The following DNM1L variants were observed in gnomAD, a reference collection of about 807,000 sequenced individuals.
DNM1L encodes the protein dynamin 1L, also known as dynamin-1-like protein.
DNM1L carries 33 observed loss-of-function variants against 92.8 expected under a neutral mutation model. The observed-to-expected ratio is 0.36, with a 90% CI of 0.27 to 0.48. The LOEUF (loss-of-function observed/expected upper bound fraction) is 0.48, where lower values mean the gene tolerates loss of function less well. Ranked by LOEUF, DNM1L falls within the 20% of genes least tolerant of loss-of-function variation. The pLI, the probability that DNM1L is intolerant of heterozygous loss-of-function variation, is 0.99. For missense variants in DNM1L, 485 were observed against 888.8 expected, an observed-to-expected ratio of 0.55 and a Z score of 5.78; for synonymous variants, 284 against 305.0, an observed-to-expected ratio of 0.93 and a Z score of 0.72.
At chr12:32,713,406 TTTACAA>T (rs1202151274) in intron 6 of DNM1L, 35 bp downstream of exon 6, 1 of 1,608,510 alleles carries the variant, frequency 6.2e-7, no homozygotes, top group Non-Finnish European at 8.5e-7. Context: ...AGATGCTTAT[TTTACAA>T]TGGTAAATCT....
In DNM1L at chr12:32,710,973, C is replaced by T. The variant is rs775793797; in HGVS notation, c.414C>T (p.Asn138=). Residue 138 remains asparagine, a synonymous_variant, in exon 5 of 20, where the codon AAC becomes AAT. Transcript: ENST00000549701. ...TTCATCTTAAGATTTTTTCACCCAA[C>T]GTTGTCAATTTGACACTTGTGGATT... The part of the protein sequence containing the change: ...EPIHLKIFSP[N]VVNLTLVDLP... 3.1e-6 allele frequency: 5 copies of T among 1,613,918 alleles called. No individual in the cohort carries two copies. The highest frequency in any genetic ancestry group is 4.2e-6 in the Non-Finnish European group (5 of 1,179,910).
chr12:32,707,304 G>T, intron 2 of DNM1L, 63 bp from the exon 3 acceptor site: 1 of 1,358,016 alleles, frequency 7.4e-7, no homozygotes, highest in South Asian at 1.3e-5. Context: ...TTGCCTTTTT[G>T]AATTCCTAAA....
Position 32,715,493 on chromosome 12 carries a change from G to C in DNM1L, c.619+2122G>C, listed in dbSNP as rs897928335. 3.9e-5 allele frequency among the ~76,000 whole-genome samples: 6 copies of C among 152,090 alleles called. 1 individual carries two copies. The highest frequency in any genetic ancestry group is 1.4e-4 in the African/African-American group (6 of 41,414). ...CACACTTGTAATCCCAGCACTTTGG[G>C]AGGCTGAGGTGAGCGGATCGCTTGA... On this transcript the variant is annotated intron_variant, in intron 6 of 19. Transcript: ENST00000549701.
In DNM1L at chr12:32,740,445, C is replaced by G. The variant is rs1223281402; in HGVS notation, c.1921C>G (p.Gln641Glu). 1 of 1,614,082 alleles carries G rather than the reference C, an allele frequency of 6.2e-7. No individual in the cohort carries two copies. The highest frequency in any genetic ancestry group is 1.1e-5 in the South Asian group (1 of 91,070). ...PVARKLSARE[Q>E]RDCEVIERLI... Reference sequence around the variant, plus strand: ...TGCACGAAAACTATCTGCTCGGGAACAGCGAGATTGTGAGGTTATTGAACG... The same window carrying G: ...TGCACGAAAACTATCTGCTCGGGAAGAGCGAGATTGTGAGGTTATTGAACG... The change falls in exon 18 of 20, where the codon CAG becomes GAG. Residue 641 changes from glutamine to glutamate, a missense_variant. Physicochemically the swap from Gln to Glu is conservative, Grantham distance 29. Transcript: ENST00000549701.
Position 32,701,443 on chromosome 12 carries a change from G to T in DNM1L, c.131G>T (p.Ser44Ile), listed in dbSNP as rs1338124555. ...QSSGKSSVLE[S>I]LVGRDLLPRG... is the part of the protein sequence containing the mutation. ...AGCGGAAAGAGCTCAGTGCTAGAAA[G>T]CCTGGTGGGGAGGGACCTGCTTCCC... Residue 44 changes from serine to isoleucine, a missense_variant, in exon 2 of 20, where the codon AGC (serine) becomes ATC (isoleucine). Physicochemically the swap from Ser to Ile is moderately radical, Grantham distance 142. Coordinates refer to ENST00000549701, the MANE Select transcript of DNM1L (RefSeq NM_012062.5). 1 of 1,614,060 alleles carries T rather than the reference G, an allele frequency of 6.2e-7. No homozygotes were observed. Among genetic ancestry groups the T allele is most frequent in the Non-Finnish European group, 8.5e-7 (1 of 1,179,944 alleles).
chr12:32,705,000 GTTTTTTTTTTTT>G (rs35375744), intron 2 of DNM1L, among the ~76,000 whole-genome samples: 1 of 118,878 alleles, frequency 8.4e-6, no homozygotes, highest in African/African-American at 3.2e-5. Context: ...CTCAGGCAAA[GTTTTTTTTTTTT>G]TTTTTTTTTT....
At chr12:32,716,766 T>G (rs974849948) in intron 6 of DNM1L, among the ~76,000 whole-genome samples, 4 of 129,666 alleles carry the variant, frequency 3.1e-5, no homozygotes, top group Non-Finnish European at 5.1e-5. Context: ...ATATATATAG[T>G]AACTGAAAAT....
intron 4 of DNM1L, among the ~76,000 whole-genome samples, chr12:32,710,676 A>C (rs1953092242): frequency 6.6e-6 from 1 of 152,118 alleles, no homozygotes. Context: ...AAGAGAAAAG[A>C]ATGTAAAATA....
chr12:32,738,252 A>C lies in DNM1L; in HGVS notation c.1675-12A>C, dbSNP rs952848365. 6.2e-7 allele frequency: 1 copy of C among 1,613,476 alleles called. No homozygotes were observed. Among genetic ancestry groups the C allele is most frequent in the African/African-American group, 1.3e-5 (1 of 75,022 alleles). ...CTTGTTAAATTGCATGTTTTAACATATCTTTTAACAGTTAATTCAGGACAG... is the reference window on the plus strand; with the variant it reads ...CTTGTTAAATTGCATGTTTTAACATCTCTTTTAACAGTTAATTCAGGACAG... On this transcript the variant is annotated splice_polypyrimidine_tract_variant and intron_variant, in intron 15 of 19. Transcript: ENST00000549701.
chr12:32,739,781 C>T (rs537988769), intron 16 of DNM1L: 107 of 377,006 alleles, frequency 2.8e-4, no homozygotes, highest in African/African-American at 1.8e-3. Flanking sequence ...AGAAGAGGAA[C>T]GATTTTGAAA....
rs1450552397 is a variant in DNM1L at position 32,731,542 on chromosome 12, T to G, written c.1356+31T>G. 2.5e-6 allele frequency: 4 copies of G among 1,612,900 alleles called. No individual in the cohort carries two copies. The highest frequency in any genetic ancestry group is 1.1e-5 in the South Asian group (1 of 91,058). ...GGAGAGAAATGTAACAGGTTTCACA[T>G]GAACTAGAAAAGGACATGAAGTGGT... On this transcript the variant is annotated intron_variant, in intron 11 of 19. Coordinates refer to ENST00000549701, the MANE Select transcript of DNM1L (RefSeq NM_012062.5). The surrounding 1 kb of genome is among the most constrained non-coding windows in gnomAD (Gnocchi z 5.1).
chr12:32,688,059 A>T (rs1360757589), intron 1 of DNM1L, among the ~76,000 whole-genome samples: 1 of 151,920 alleles, frequency 6.6e-6, no homozygotes, highest in Non-Finnish European at 1.5e-5. Flanking sequence ...CAAGTAGCTG[A>T]GATTACAGGT....
At chr12:32,717,340 ACT>A (rs1953465058) in intron 6 of DNM1L, among the ~76,000 whole-genome samples, 3 of 81,676 alleles carry the variant, frequency 3.7e-5, no homozygotes, top group South Asian at 5.7e-4. Flanking sequence ...TTTTATATAT[ACT>A]ATATATTATA....
chr12:32,732,619 T>A, intron 12 of DNM1L: 1 of 454,512 alleles, frequency 2.2e-6, no homozygotes, highest in Non-Finnish European at 4.4e-6. Context: ...ATGTAAGTGC[T>A]GCTGCTTGGT....
rs567935242 is a variant in DNM1L at position 32,726,887 on chromosome 12, A to C, written c.1080-4127A>C. Reference sequence around the variant, plus strand: ...ATGTCTTTGTCAGCACTTCATTTGTAAAATATTTACTGGGTTCAAATTGAA... The same window carrying C: ...ATGTCTTTGTCAGCACTTCATTTGTCAAATATTTACTGGGTTCAAATTGAA... On this transcript the variant is annotated intron_variant, in intron 9 of 19. Coordinates refer to ENST00000549701, the MANE Select transcript of DNM1L (RefSeq NM_012062.5). The C allele has an allele frequency of 1.8e-4, 119 of 659,060 alleles. 1 individual carries two copies. In the African/African-American group the frequency reaches 2.1e-3, roughly 12 times the overall value. 40.8% of individuals were successfully genotyped at this position (659,060 alleles called of 1,614,324 possible).
intron 6 of DNM1L, among the ~76,000 whole-genome samples, 197 bp downstream of exon 6, chr12:32,713,568 G>A (rs894979950): frequency 6.6e-6 from 1 of 152,114 alleles, no homozygotes; most frequent in South Asian, 2.1e-4. Context: ...CAGACTAGGC[G>A]AAAATATTTT....
chr12:32,689,486 G>T (rs1952148579), intron 1 of DNM1L, among the ~76,000 whole-genome samples: 1 of 152,160 alleles, frequency 6.6e-6, no homozygotes, highest in Non-Finnish European at 1.5e-5. Flanking sequence ...ACTGGGCCCG[G>T]CGTAGTTTAG....
rs1268650035 is a variant in DNM1L at position 32,731,635 on chromosome 12, A to G, written c.1356+124A>G. 2.4e-6 allele frequency: 3 copies of G among 1,269,058 alleles called. No individual in the cohort carries two copies. Among genetic ancestry groups the G allele is most frequent in the Non-Finnish European group, 3.3e-6 (3 of 900,374 alleles). 78.6% of individuals were successfully genotyped at this position (1,269,058 alleles called of 1,614,324 possible). A position where few individuals can be genotyped will look rare whatever the true frequency, so the allele number is the denominator to read the frequency against. ...GTAAAATCTGTAGTTCCCTTACCTG[A>G]AAGTGATTTGAAATAGGATTCTTAA... On this transcript the variant is annotated intron_variant, in intron 11 of 19. Transcript: ENST00000549701. This position sits in a 1 kb window ranked among gnomAD's most constrained non-coding sequence, Gnocchi z 5.1.
intron 5 of DNM1L, among the ~76,000 whole-genome samples, chr12:32,711,526 A>G (rs1052781686): frequency 6.6e-6 from 1 of 152,038 alleles, no homozygotes. Flanking sequence ...GTCTTCCCCC[A>G]TCGCAATAAA....
Sources: gnomAD v4.1 joint callset for allele counts (sites outside exome capture counted in the v4.1 genomes callset) on GRCh38, gnomAD v4.1.1 for gene constraint, Gnocchi (gnomAD v3.1) non-coding constraint, MANE v1.5 for transcripts, NCBI Gene and HGNC (gene_info 2026-07-23, HGNC 2026-07-21) for gene names.